Variants in KLF15 observed in about 807,000 individuals in gnomAD.
The protein encoded by KLF15 is Krueppel-like factor 15.
Under a neutral mutation model 24.6 loss-of-function variants are expected in KLF15, and 4 were observed. The observed-to-expected ratio is 0.16, with a 90% confidence interval of 0.08 to 0.37. The LOEUF (loss-of-function observed/expected upper bound fraction) is 0.37. Among genes scored for constraint, KLF15 ranks in the 10% least tolerant of loss-of-function variants. KLF15 has a pLI of 1.00. For missense variants in KLF15, 496 were observed against 560.6 expected, an observed-to-expected ratio of 0.88 and a Z score of 1.16; for synonymous variants, 246 against 236.3, an observed-to-expected ratio of 1.04 and a Z score of -0.37.
chr3:126,341,996 C>G (rs1462956572), downstream of KLF15, among the ~76,000 whole-genome samples: 1 of 152,148 alleles, frequency 6.6e-6, no homozygotes. Flanking sequence ...GCCCCCACTT[C>G]CCCCAGGCTC....
the KLF15 span, among the ~76,000 whole-genome samples, chr3:126,294,789 G>A: frequency 9.9e-5 from 15 of 151,584 alleles, no homozygotes; most frequent in Non-Finnish European, 2.1e-4. Context: ...TTGCCCTGCC[G>A]CTAGGAAGAA....
At chr3:126,355,148 T>TG (rs1458887714) in intron 1 of KLF15, among the ~76,000 whole-genome samples, 1 of 152,238 alleles carries the variant, frequency 6.6e-6, no homozygotes, top group Non-Finnish European at 1.5e-5. Flanking sequence ...GATCACTAAC[T>TG]GGCCATCCCA....
chr3:126,306,331 A>C, the KLF15 span, among the ~76,000 whole-genome samples: 1 of 152,320 alleles, frequency 6.6e-6, no homozygotes, highest in African/African-American at 2.4e-5. Flanking sequence ...TAAGGACAGA[A>C]GTCCTGGTGG....
the KLF15 span, among the ~76,000 whole-genome samples, chr3:126,326,796 A>G: frequency 1.3e-5 from 2 of 152,218 alleles, no homozygotes; most frequent in Admixed American, 6.5e-5. Flanking sequence ...TCAATTAATT[A>G]TTAACTAGAG....
the KLF15 span, among the ~76,000 whole-genome samples, chr3:126,319,149 A>T: frequency 9.9e-5 from 15 of 152,178 alleles, no homozygotes; most frequent in African/African-American, 3.1e-4. Context: ...GTGCTGAATG[A>T]TATTCCATCG....
the KLF15 span, among the ~76,000 whole-genome samples, chr3:126,321,669 G>A: frequency 2.0e-5 from 3 of 152,282 alleles, no homozygotes; most frequent in East Asian, 3.9e-4. Context: ...GTCCACTAGT[G>A]GACATGTCCA....
At chr3:126,288,376 A>G in the KLF15 span, 1 of 152,248 alleles carries the variant, frequency 6.6e-6, no homozygotes, top group Non-Finnish European at 1.5e-5. Context: ...GAATTTACAC[A>G]TGCGCACATA....
chr3:126,323,433 ATAACATATATATGTTATATATATATAT>A, the KLF15 span, among the ~76,000 whole-genome samples: 3 of 51,706 alleles, frequency 5.8e-5, no homozygotes, highest in Non-Finnish European at 1.2e-4. Context: ...ATATATATAT[ATAACATATATATGTTATATATATATAT>A]AACATATATA....
the KLF15 span, among the ~76,000 whole-genome samples, chr3:126,331,115 C>T: frequency 6.6e-6 from 1 of 152,294 alleles, no homozygotes; most frequent in South Asian, 2.1e-4. Context: ...ACATAAGATG[C>T]CCCTCACACT....
At chr3:126,349,261 G>A (rs984927765) in intron 2 of KLF15, among the ~76,000 whole-genome samples, 2 of 152,160 alleles carry the variant, frequency 1.3e-5, no homozygotes, top group African/African-American at 2.4e-5. Context: ...CCTCTGCCAT[G>A]AGTTACCCCA....
chr3:126,310,657 C>T, the KLF15 span, among the ~76,000 whole-genome samples: 3 of 152,118 alleles, frequency 2.0e-5, no homozygotes, highest in African/African-American at 7.2e-5. Flanking sequence ...GTAGATGCCA[C>T]CTTCTCCCTG....
At chr3:126,308,064 G>A in the KLF15 span, among the ~76,000 whole-genome samples, 5 of 152,196 alleles carry the variant, frequency 3.3e-5, no homozygotes, top group East Asian at 1.9e-4. Flanking sequence ...GAGGAGCGCC[G>A]TGGCCTGGCT....
chr3:126,328,573 C>T, the KLF15 span, among the ~76,000 whole-genome samples: 7 of 152,160 alleles, frequency 4.6e-5, no homozygotes, highest in South Asian at 1.4e-3. Flanking sequence ...TCCCTGTTCA[C>T]CACATCCAAG....
chr3:126,321,723 C>G, the KLF15 span, among the ~76,000 whole-genome samples: 1 of 152,190 alleles, frequency 6.6e-6, no homozygotes, highest in East Asian at 1.9e-4. Context: ...CCTTCTTTGA[C>G]TCGACATCCT....
At chr3:126,302,624 A>C in the KLF15 span, among the ~76,000 whole-genome samples, 2 of 152,298 alleles carry the variant, frequency 1.3e-5, no homozygotes, top group South Asian at 2.1e-4. Flanking sequence ...TGGCTCCATT[A>C]ATAATGGTAA....
chr3:126,293,181 G>T, the KLF15 span, among the ~76,000 whole-genome samples: 1 of 151,594 alleles, frequency 6.6e-6, no homozygotes, highest in Non-Finnish European at 1.5e-5. Flanking sequence ...CAGGTGTGGT[G>T]GTGCACACTT....
intron 2 of KLF15, among the ~76,000 whole-genome samples, chr3:126,351,559 C>A (rs545642942): frequency 9.1e-4 from 138 of 152,320 alleles, no homozygotes; most frequent in African/African-American, 3.2e-3. Flanking sequence ...AATCCCCACC[C>A]TTGTCAGACT....
the KLF15 span, among the ~76,000 whole-genome samples, chr3:126,322,124 G>C: frequency 6.6e-6 from 1 of 152,126 alleles, no homozygotes; most frequent in South Asian, 2.1e-4. Context: ...AGGCTTCAGG[G>C]ACTTGGTGTT....
At chr3:126,338,287 C>T (rs2082454253), downstream of KLF15, among the ~76,000 whole-genome samples, 1 of 152,192 alleles carries the variant, frequency 6.6e-6, no homozygotes, top group African/African-American at 2.4e-5. Context: ...AGTGGTCCAG[C>T]TGTCCTCCCA....
Sources: gnomAD v4.1 joint callset for allele counts (sites outside exome capture counted in the v4.1 genomes callset) on GRCh38, gnomAD v4.1.1 for gene constraint, MANE v1.5 for transcripts, NCBI Gene and HGNC (gene_info 2026-07-23, HGNC 2026-07-21) for gene names.